Variants in FGF13 observed in about 807,000 individuals in gnomAD.
FGF13 encodes the protein fibroblast growth factor homologous factor 2.
In FGF13, 2 loss-of-function variants were observed where a neutral mutation model predicts 19.5. The observed-to-expected ratio is 0.10, with a 90% CI of 0.04 to 0.32. The LOEUF is 0.32. FGF13 is among the 10% of genes least tolerant of loss of function. FGF13 has a pLI of 1.00. For missense variants in FGF13, 113 were observed against 192.7 expected, an observed-to-expected ratio of 0.59 and a Z score of 2.45; for synonymous variants, 72 against 76.9, an observed-to-expected ratio of 0.94 and a Z score of 0.33.
intron 1 of FGF13, among the ~76,000 whole-genome samples, chrX:139,088,600 A>G (rs931863289): frequency 9.0e-6 from 1 of 110,778 alleles, no homozygotes; most frequent in East Asian, 2.8e-4. Flanking sequence ...GCCACTATAC[A>G]TAGATAGATG....
chrX:138,777,864 A>T (rs1396272785), intron 3 of FGF13, among the ~76,000 whole-genome samples: 2 of 110,846 alleles, frequency 1.8e-5, no homozygotes, highest in Non-Finnish European at 3.8e-5. Flanking sequence ...GACACAAACA[A>T]AAATATCACC....
chrX:138,970,780 T>G (rs2124317112), intron 1 of FGF13, among the ~76,000 whole-genome samples: 1 of 111,027 alleles, frequency 9.0e-6, no homozygotes, highest in South Asian at 3.9e-4. Context: ...CTCCATACTT[T>G]TTTCAGCAAC....
At position 139,070,135 on chromosome X, in the gene FGF13, T is replaced by A. The variant is rs1445171162; in HGVS notation, c.-113+133281A>T. ...CAAAAGCCAAAATTGACAAGTGGGA[T>A]CTAATTAAACTAAAGAGCTTCTGCA... is the stretch of plus-strand genomic sequence containing the variant. On this transcript the variant is annotated intron_variant, in intron 1 of 2. Transcript: ENST00000421460. 2.7e-5 allele frequency among the ~76,000 whole-genome samples: 3 copies of A among 111,477 alleles called. No homozygotes were observed. In the East Asian group the frequency reaches 8.5e-4, roughly 31 times the overall value.
At chrX:138,792,252 T>C (rs190017159) in intron 3 of FGF13, among the ~76,000 whole-genome samples, 15 of 112,214 alleles carry the variant, frequency 1.3e-4, no homozygotes, top group African/African-American at 3.9e-4. Context: ...TGACACCAAC[T>C]ATATTTTCTG....
In FGF13 at chrX:139,137,984, C is replaced by T. The variant is rs181756279; in HGVS notation, c.-113+65432G>A. On this transcript the variant is annotated intron_variant, in intron 1 of 2. Coordinates refer to the FGF13 transcript ENST00000421460. ...AGTAATGGTTAAAAAGTGGAATTTC[C>T]GTTGTTCCCATATCCTATGATTGAC... 9.1e-4 allele frequency among the ~76,000 whole-genome samples: 102 copies of T among 112,055 alleles called. No homozygotes were observed. The Admixed American group carries it at 9.1e-3, about 10-fold the overall frequency.
At chrX:138,926,561 T>C (rs980280453) in intron 1 of FGF13, among the ~76,000 whole-genome samples, 2 of 111,549 alleles carry the variant, frequency 1.8e-5, no homozygotes. Flanking sequence ...TTGAATGAGA[T>C]GAAGGATTTG....
Position 138,960,364 on chromosome X carries a change from T to G in FGF13, c.-112-95714A>C, listed in dbSNP as rs1015014448. Among the ~76,000 whole-genome samples the G allele has an allele frequency of 4.5e-5, 5 of 111,987 alleles. No homozygotes were observed. The South Asian group carries it at 1.5e-3, about 33-fold the overall frequency. The stretch of plus-strand genomic sequence containing the variant: ...GAATATTGGCCCCCACTCTCTTCTG[T>G]CTTGAGAGTTTCTGCTGAGAGACCC... On this transcript the variant is annotated intron_variant, in intron 1 of 2. Coordinates refer to the FGF13 transcript ENST00000421460.
In FGF13 at chrX:138,615,295, G is replaced by C. The variant is rs1346086533; in HGVS notation, c.*17555C>G. 8.9e-6 allele frequency: 1 copy of C among 112,102 alleles called. No individual in the cohort carries two copies. Among genetic ancestry groups the C allele is most frequent in the Non-Finnish European group, 1.9e-5 (1 of 53,182 alleles). The allele number at this position is 112,102 out of a possible 1,213,427, so 9.2% of individuals were successfully genotyped here. On this transcript the variant is annotated 3_prime_UTR_variant, in exon 5 of 5. Coordinates refer to ENST00000315930, the MANE Select transcript of FGF13 (RefSeq NM_004114.5). ...TATATATGATACTGCAGTTATGTAA[G>C]TTGATACCACTAGAGGAACTAGATA...
chrX:139,121,640 G>A (rs999212469), intron 1 of FGF13, among the ~76,000 whole-genome samples: 16 of 110,938 alleles, frequency 1.4e-4, no homozygotes, highest in African/African-American at 4.6e-4. Context: ...TGATCCTCCC[G>A]TCTTGGCCTA....
chrX:138,796,766 A>T (rs2090781807), intron 3 of FGF13, among the ~76,000 whole-genome samples: 1 of 111,960 alleles, frequency 8.9e-6, no homozygotes. Context: ...CTAGCATGAG[A>T]TGGTATCTCA....
intron 1 of FGF13, among the ~76,000 whole-genome samples, chrX:139,126,956 GC>G (rs1388335683): frequency 9.0e-6 from 1 of 111,250 alleles, no homozygotes; most frequent in Non-Finnish European, 1.9e-5. Context: ...TCCCCAACTC[GC>G]GACACCACAA....
chrX:139,036,435 C>G (rs1350881839), intron 1 of FGF13, among the ~76,000 whole-genome samples: 2 of 111,452 alleles, frequency 1.8e-5, no homozygotes, highest in Non-Finnish European at 3.8e-5. Flanking sequence ...GTTCAAACTT[C>G]TTTTTAGCCC....
chrX:139,126,253 C>T (rs1174537883), intron 1 of FGF13, among the ~76,000 whole-genome samples: 1 of 111,512 alleles, frequency 9.0e-6, no homozygotes, highest in Admixed American at 9.6e-5. Flanking sequence ...AGAACGTCCT[C>T]CCCTTTTGTT....
chrX:138,934,706 G>A (rs1193896201), intron 1 of FGF13, among the ~76,000 whole-genome samples: 4 of 112,168 alleles, frequency 3.6e-5, no homozygotes, highest in South Asian at 3.7e-4. Flanking sequence ...GGAATAAATC[G>A]TAGGGGCCCA....
chrX:139,064,234 T>C (rs970226748), intron 1 of FGF13, among the ~76,000 whole-genome samples: 1 of 109,344 alleles, frequency 9.1e-6, no homozygotes, highest in Non-Finnish European at 1.9e-5. Context: ...TCATTATGTT[T>C]TAGTAATGTC....
intron 1 of FGF13, among the ~76,000 whole-genome samples, chrX:138,732,913 T>C (rs755873900): frequency 9.0e-6 from 1 of 110,944 alleles, no homozygotes; most frequent in Non-Finnish European, 1.9e-5. Flanking sequence ...TATTAAAATG[T>C]AGATCCTTGG....
intron 1 of FGF13, among the ~76,000 whole-genome samples, chrX:139,186,281 G>T (rs2084283031): frequency 9.0e-6 from 1 of 111,558 alleles, no homozygotes; most frequent in Non-Finnish European, 1.9e-5. Flanking sequence ...GATGGGACTG[G>T]ATCCCAGAAA....
At chrX:139,174,646 A>G (rs1179869064) in intron 1 of FGF13, among the ~76,000 whole-genome samples, 3 of 111,905 alleles carry the variant, frequency 2.7e-5, no homozygotes, top group Non-Finnish European at 5.6e-5. Flanking sequence ...CATTTATTAA[A>G]TAGGGAATCC....
At chrX:138,645,581 T>G (rs771450632) in intron 3 of FGF13, among the ~76,000 whole-genome samples, 6 of 112,124 alleles carry the variant, frequency 5.4e-5, no homozygotes, top group Non-Finnish European at 1.1e-4. Context: ...TTAGCTTAAG[T>G]GGAAATGCTC....
Sources: gnomAD v4.1 joint callset for allele counts (sites outside exome capture counted in the v4.1 genomes callset) on GRCh38, gnomAD v4.1.1 for gene constraint, MANE v1.5 for transcripts, NCBI Gene and HGNC (gene_info 2026-07-23, HGNC 2026-07-21) for gene names.